The following ANKRD26 variants were observed in gnomAD, a reference collection of about 807,000 sequenced individuals.
ANKRD26 encodes ankyrin repeat domain-containing protein 26.
A neutral mutation model predicts 208.7 loss-of-function variants in ANKRD26; 141 were observed. That is an observed-to-expected ratio of 0.68 (90% CI 0.59 to 0.78). The LOEUF (loss-of-function observed/expected upper bound fraction) is 0.78. ANKRD26 is among the 30% of genes least tolerant of loss of function. The pLI is 0.00. For synonymous variants in ANKRD26, 636 were observed against 660.4 expected (o/e 0.96, Z 0.57); for missense variants, 1,889 against 1,938.7 (o/e 0.97, Z 0.48).
At chr10:26,998,566 T>C (rs570039208) in intron 4 of ANKRD26, among the ~76,000 whole-genome samples, 23 of 152,378 alleles carry the variant, frequency 1.5e-4, no homozygotes, top group Non-Finnish European at 2.9e-4. Context: ...TAGGTTCTGA[T>C]AATGAGCTCA....
intron 22 of ANKRD26, 68 bp downstream of exon 22, chr10:27,037,803 C>A: frequency 7.9e-7 from 1 of 1,269,404 alleles, no homozygotes; most frequent in South Asian, 1.3e-5. Context: ...TATATTAAAT[C>A]AAAAGGATGT....
intron 15 of ANKRD26, among the ~76,000 whole-genome samples, chr10:27,058,914 GTTTT>G (rs201450924): frequency 9.6e-6 from 1 of 104,190 alleles, no homozygotes; most frequent in African/African-American, 2.7e-5. Flanking sequence ...TTTGTTTTTT[GTTTT>G]TTTGTTTTTT....
In ANKRD26 at chr10:27,066,472, A is replaced by T; in HGVS notation, c.1269+15T>A. ...GCTTATATTTTAAAATAATAGTAACAACCATAGAAAGTACCTCAGAATCCC... is the reference window on the plus strand; with the variant it reads ...GCTTATATTTTAAAATAATAGTAACTACCATAGAAAGTACCTCAGAATCCC... On this transcript the variant is annotated intron_variant, in intron 11 of 33. Coordinates refer to ENST00000376087, the MANE Select transcript of ANKRD26 (RefSeq NM_014915.3). 6.4e-7 allele frequency: 1 copy of T among 1,555,956 alleles called. No homozygotes were observed.
chr10:26,996,151 C>T (rs1227348444), intron 4 of ANKRD26, among the ~76,000 whole-genome samples: 1 of 152,128 alleles, frequency 6.6e-6, no homozygotes. Context: ...AAATTCTGTA[C>T]AAATCTCCAC....
At chr10:26,983,700 A>T (rs2052342150) in intron 3 of ANKRD26, among the ~76,000 whole-genome samples, 1 of 152,140 alleles carries the variant, frequency 6.6e-6, no homozygotes, top group African/African-American at 2.4e-5. Flanking sequence ...TGTGGTTATC[A>T]CCCACTCTTT....
chr10:26,947,967 A>C, the ANKRD26 span, among the ~76,000 whole-genome samples: 3 of 152,212 alleles, frequency 2.0e-5, no homozygotes, highest in African/African-American at 4.8e-5. Context: ...GATATGAGAC[A>C]ATCTAGCTTT....
At chr10:26,972,898 A>G (rs918971834), downstream of ANKRD26, among the ~76,000 whole-genome samples, 2 of 152,110 alleles carry the variant, frequency 1.3e-5, no homozygotes, top group Non-Finnish European at 2.9e-5. Context: ...CTGAGGTTAA[A>G]TATTTTTTCA....
At chr10:27,002,923 A>T (rs544593199), downstream of ANKRD26, among the ~76,000 whole-genome samples, 25 of 145,464 alleles carry the variant, frequency 1.7e-4, no homozygotes, top group South Asian at 5.8e-3. Context: ...TTAATTTTTT[A>T]AATTAATCTT....
intron 16 of ANKRD26, chr10:27,052,261 T>C (rs1376708241): frequency 1.1e-5 from 9 of 822,508 alleles, no homozygotes; most frequent in Non-Finnish European, 1.3e-5. Context: ...AAGTAAAAAC[T>C]AATTTGCCTT....
intron 28 of ANKRD26, 117 bp downstream of exon 28, chr10:27,024,330 T>C: frequency 1.6e-6 from 1 of 620,466 alleles, no homozygotes; most frequent in South Asian, 2.3e-5. Context: ...TAAAAGAGAA[T>C]AATTTCATTA....
chr10:27,071,008 A>T (rs1196567645), intron 9 of ANKRD26, among the ~76,000 whole-genome samples: 5 of 152,052 alleles, frequency 3.3e-5, no homozygotes, highest in Non-Finnish European at 5.9e-5. Context: ...TTCCTTCCTT[A>T]TGATTCTATA....
At chr10:27,079,373 C>T (rs936802606) in intron 6 of ANKRD26, among the ~76,000 whole-genome samples, 1 of 152,140 alleles carries the variant, frequency 6.6e-6, no homozygotes, top group African/African-American at 2.4e-5. Flanking sequence ...CTGCCTCTAC[C>T]TCTCCGAAAC....
intron 33 of ANKRD26, 122 bp from the exon 34 acceptor site, chr10:27,005,845 C>T (rs1024254442): frequency 1.6e-6 from 2 of 1,222,826 alleles, no homozygotes; most frequent in Non-Finnish European, 2.2e-6. Flanking sequence ...TATGTATGCA[C>T]AACTATTATA....
rs1298014649 is a variant in ANKRD26 at position 27,077,545 on chromosome 10, A to T, written c.875-5T>A. 1 of 1,613,452 alleles carries T rather than the reference A, an allele frequency of 6.2e-7. No individual in the cohort carries two copies. Among genetic ancestry groups the T allele is most frequent in the Non-Finnish European group, 8.5e-7 (1 of 1,179,438 alleles). The stretch of plus-strand genomic sequence containing the variant: ...CAGTGCCATATGTTGCTTCTACTAC[A>T]GTAAAAACAAAATAAAGAGTAAATG... On this transcript the variant is annotated splice_region_variant and splice_polypyrimidine_tract_variant and intron_variant, in intron 8 of 33. Coordinates refer to ENST00000376087, the MANE Select transcript of ANKRD26 (RefSeq NM_014915.3).
intron 25 of ANKRD26, among the ~76,000 whole-genome samples, chr10:27,030,823 CT>C (rs1231791754): frequency 6.6e-6 from 1 of 151,844 alleles, no homozygotes; most frequent in African/African-American, 2.4e-5. Flanking sequence ...AGAAGAAATT[CT>C]TAGTATAATA....
At chr10:26,997,061 T>TA (rs140829101) in intron 4 of ANKRD26, among the ~76,000 whole-genome samples, 14,431 of 151,102 alleles carry the variant, frequency 0.096, 861 homozygotes, top group Middle Eastern at 0.16. Flanking sequence ...CACCTTTTGA[T>TA]AAAAAAAAAT....
At chr10:26,989,417 C>CA (rs1268493688), downstream of ANKRD26, among the ~76,000 whole-genome samples, 1 of 152,048 alleles carries the variant, frequency 6.6e-6, no homozygotes, top group Non-Finnish European at 1.5e-5. Context: ...GCTCCAATTC[C>CA]AAAAAGATTC....
intron 25 of ANKRD26, among the ~76,000 whole-genome samples, chr10:27,032,694 A>G (rs2053911621): frequency 6.6e-6 from 1 of 151,958 alleles, no homozygotes; most frequent in South Asian, 2.1e-4. Context: ...ACACACCTAT[A>G]ATGCCAGCTA....
the ANKRD26 span, among the ~76,000 whole-genome samples, chr10:26,960,579 T>C: frequency 8.3e-3 from 1,267 of 152,342 alleles, 22 homozygotes; most frequent in East Asian, 0.03. Context: ...TATGATGAAA[T>C]AGTCATTGTT....
Sources: allele counts gnomAD v4.1 joint callset (sites outside exome capture counted in the v4.1 genomes callset), GRCh38; gene constraint gnomAD v4.1.1; transcripts MANE v1.5; gene names NCBI Gene and HGNC (gene_info 2026-07-23, HGNC 2026-07-21).